The following SGMS1 variants were observed in gnomAD, a reference collection of about 807,000 sequenced individuals.
SGMS1 encodes phosphatidylcholine:ceramide cholinephosphotransferase 1.
In SGMS1, 13 loss-of-function variants were observed where a neutral mutation model predicts 46.2. That is an observed-to-expected ratio of 0.28 (90% CI 0.18 to 0.45). SGMS1 has a LOEUF of 0.45. Ranked by LOEUF, SGMS1 falls within the 20% of genes least tolerant of loss-of-function variation. The pLI is 1.00. For synonymous variants in SGMS1, 203 were observed against 187.8 expected, an observed-to-expected ratio of 1.08 and a Z score of -0.66; for missense variants, 324 against 519.9, an observed-to-expected ratio of 0.62 and a Z score of 3.66.
At chr10:50,510,946 A>G (rs966033296) in intron 3 of SGMS1, among the ~76,000 whole-genome samples, 4 of 152,234 alleles carry the variant, frequency 2.6e-5, no homozygotes, top group Non-Finnish European at 4.4e-5. Flanking sequence ...TTATGTATTG[A>G]AAAGACCCTT....
intron 2 of SGMS1, among the ~76,000 whole-genome samples, chr10:50,574,595 G>A (rs1185152645): frequency 1.3e-5 from 2 of 152,084 alleles, no homozygotes; most frequent in African/African-American, 4.8e-5. Context: ...TTCTCAAAAA[G>A]TTAAAAACTA....
chr10:50,603,594 C>T (rs1296878030), intron 1 of SGMS1, among the ~76,000 whole-genome samples: 1 of 152,152 alleles, frequency 6.6e-6, no homozygotes, highest in Non-Finnish European at 1.5e-5. Flanking sequence ...AAAACCGTAC[C>T]TCCAAATGGT....
chr10:50,371,899 G>T (rs569563537), intron 6 of SGMS1, among the ~76,000 whole-genome samples: 1 of 152,164 alleles, frequency 6.6e-6, no homozygotes, highest in Non-Finnish European at 1.5e-5. Context: ...TGTGATAATG[G>T]CATTAATCCA....
chr10:50,568,408 C>T (rs902855002), intron 2 of SGMS1, among the ~76,000 whole-genome samples: 3 of 152,200 alleles, frequency 2.0e-5, no homozygotes, highest in Admixed American at 6.5e-5. Context: ...GAGCCACCAG[C>T]GTCCCTTGCT....
intron 1 of SGMS1, among the ~76,000 whole-genome samples, chr10:50,616,705 T>A (rs1564445385): frequency 6.6e-6 from 1 of 152,134 alleles, no homozygotes; most frequent in East Asian, 1.9e-4. Flanking sequence ...CCTATTAGCC[T>A]CCCTCTAATG....
At chr10:50,534,599 T>C (rs1364713496) in intron 2 of SGMS1, among the ~76,000 whole-genome samples, 2 of 152,200 alleles carry the variant, frequency 1.3e-5, no homozygotes, top group Non-Finnish European at 2.9e-5. Context: ...CTGTTTTCAC[T>C]ACTAAGATGC....
At chr10:50,517,773 T>C (rs899912236) in intron 3 of SGMS1, among the ~76,000 whole-genome samples, 6 of 151,908 alleles carry the variant, frequency 3.9e-5, no homozygotes, top group Non-Finnish European at 4.4e-5. Flanking sequence ...TAAACAAACT[T>C]AGAGTAAGTC....
At chr10:50,616,380 C>T (rs1838797764) in intron 1 of SGMS1, among the ~76,000 whole-genome samples, 1 of 152,142 alleles carries the variant, frequency 6.6e-6, no homozygotes, top group Admixed American at 6.5e-5. Flanking sequence ...AAGTGATCCT[C>T]CCACCTCGGC....
chr10:50,439,426 A>G (rs946033929), intron 5 of SGMS1, among the ~76,000 whole-genome samples: 6 of 152,152 alleles, frequency 3.9e-5, no homozygotes, highest in Non-Finnish European at 1.5e-5. Context: ...CTCTCAGTTG[A>G]CAGATGATGA....
intron 2 of SGMS1, among the ~76,000 whole-genome samples, chr10:50,563,226 C>G (rs1414782433): frequency 6.6e-6 from 1 of 152,154 alleles, no homozygotes; most frequent in Non-Finnish European, 1.5e-5. Context: ...GCTTTCAAAC[C>G]CATCATTCTA....
intron 2 of SGMS1, among the ~76,000 whole-genome samples, chr10:50,565,797 T>C (rs1318333443): frequency 1.3e-5 from 2 of 152,168 alleles, no homozygotes; most frequent in Non-Finnish European, 2.9e-5. Flanking sequence ...TCAGGGATGC[T>C]GAGAAGGCCA....
intron 3 of SGMS1, among the ~76,000 whole-genome samples, chr10:50,481,782 A>G (rs1837479128): frequency 1.3e-5 from 2 of 152,196 alleles, no homozygotes; most frequent in African/African-American, 4.8e-5. Context: ...ACAATGATAA[A>G]ACATTACAGG....
intron 6 of SGMS1, among the ~76,000 whole-genome samples, chr10:50,357,364 A>T (rs758296134): frequency 1.3e-5 from 2 of 152,204 alleles, no homozygotes; most frequent in Non-Finnish European, 2.9e-5. Context: ...AATCATTTAT[A>T]AATTTTTTTT....
chr10:50,503,209 A>G (rs1028710025), intron 3 of SGMS1, among the ~76,000 whole-genome samples: 1 of 152,190 alleles, frequency 6.6e-6, no homozygotes, highest in Non-Finnish European at 1.5e-5. Flanking sequence ...ATTACTTACT[A>G]CCTGGGCCAG....
intron 2 of SGMS1, among the ~76,000 whole-genome samples, chr10:50,527,370 A>G (rs1364409125): frequency 6.6e-6 from 1 of 152,194 alleles, no homozygotes; most frequent in Admixed American, 6.5e-5. Flanking sequence ...ACTTGTAAAC[A>G]TATATATTTA....
intron 6 of SGMS1, among the ~76,000 whole-genome samples, chr10:50,376,124 G>A (rs1397454883): frequency 6.6e-6 from 1 of 152,174 alleles, no homozygotes; most frequent in Admixed American, 6.5e-5. Context: ...TTTTTAAGAG[G>A]TGAAAGCACT....
At chr10:50,427,165 G>A (rs763765160) in intron 6 of SGMS1, among the ~76,000 whole-genome samples, 8 of 152,202 alleles carry the variant, frequency 5.3e-5, no homozygotes, top group African/African-American at 9.7e-5. Flanking sequence ...TTGGAAGGCC[G>A]AGGCGGACAG....
rs576206572 is a variant in SGMS1, at chr10:50,405,752, T to C, written c.-232+27724A>G. On this transcript the variant is annotated intron_variant, in intron 6 of 10. Transcript: ENST00000361781. ...GAATTATTTCACATGCAACTATAAT[T>C]CTAGGTTATGCTACATATCTTCATA... Among the ~76,000 whole-genome samples, 10 of 152,324 alleles carry C rather than the reference T, an allele frequency of 6.6e-5. No individual in the cohort carries two copies. The South Asian group carries it at 1.9e-3, about 28-fold the overall frequency.
chr10:50,579,369 T>C (rs1838413689), intron 2 of SGMS1, among the ~76,000 whole-genome samples: 1 of 151,996 alleles, frequency 6.6e-6, no homozygotes, highest in Non-Finnish European at 1.5e-5. Flanking sequence ...TCAACAATGA[T>C]ACACTTCAAG....
Sources: allele counts gnomAD v4.1 joint callset (sites outside exome capture counted in the v4.1 genomes callset), GRCh38; gene constraint gnomAD v4.1.1; transcripts MANE v1.5; gene names NCBI Gene and HGNC (gene_info 2026-07-23, HGNC 2026-07-21).